The following PTPRE variants were observed in gnomAD, a reference collection of about 807,000 sequenced individuals.
PTPRE encodes the protein receptor-type tyrosine-protein phosphatase epsilon.
In PTPRE, 51 loss-of-function variants were observed where a neutral mutation model predicts 102.0. That is an observed-to-expected ratio of 0.50 (90% confidence interval 0.40 to 0.63). PTPRE has a LOEUF of 0.63. Ranked by LOEUF, PTPRE falls within the 30% of genes least tolerant of loss-of-function variation. PTPRE has a pLI of 0.00. For missense variants in PTPRE, 752 were observed against 915.1 expected, an observed-to-expected ratio of 0.82 and a Z score of 2.30; for synonymous variants, 345 against 348.2, an observed-to-expected ratio of 0.99 and a Z score of 0.10.
chr10:127,931,728 G>C (rs11018407), intron 1 of PTPRE, among the ~76,000 whole-genome samples: 13,348 of 152,252 alleles, frequency 0.088, 685 homozygotes, highest in East Asian at 0.16. Flanking sequence ...CTCCACCTTA[G>C]GAATTAGGAG....
In PTPRE at chr10:127,907,773, A is replaced by T. The variant is rs1007224084; in HGVS notation, c.-31+464A>T. 6.6e-6 allele frequency among the ~76,000 whole-genome samples: 1 copy of T among 151,810 alleles called. No homozygotes were observed. Among genetic ancestry groups the T allele is most frequent in the African/African-American group, 2.4e-5 (1 of 41,252 alleles). On this transcript the variant is annotated intron_variant, in intron 1 of 20. Transcript: ENST00000254667. This position sits in a 1 kb window ranked among gnomAD's most constrained non-coding sequence, Gnocchi z 4.8. ...TGGCTCGAGTTGTGCCAACTCTGGGAGGGGCCGGCGCTCTGCCAGGATGCT... is the reference window on the plus strand; with the variant it reads ...TGGCTCGAGTTGTGCCAACTCTGGGTGGGGCCGGCGCTCTGCCAGGATGCT...
intron 7 of PTPRE, among the ~76,000 whole-genome samples, chr10:128,059,999 C>T (rs1849394507): frequency 6.7e-6 from 1 of 150,372 alleles, no homozygotes; most frequent in Admixed American, 6.6e-5. Flanking sequence ...CACACATACA[C>T]ACTCCACACA....
At chr10:128,001,393 C>T (rs60533023) in intron 2 of PTPRE, among the ~76,000 whole-genome samples, 36,917 of 150,962 alleles carry the variant, frequency 0.24, 4,586 homozygotes, top group South Asian at 0.31. Context: ...GCTAGGGCGC[C>T]GGAACTTTCC....
At chr10:127,913,718 C>T (rs1846021268) in intron 1 of PTPRE, among the ~76,000 whole-genome samples, 1 of 152,222 alleles carries the variant, frequency 6.6e-6, no homozygotes, top group Admixed American at 6.5e-5. Context: ...ATGGAAGCTC[C>T]TGTCCAGGCA....
At chr10:127,926,821 T>C (rs1847049056) in intron 1 of PTPRE, among the ~76,000 whole-genome samples, 1 of 144,396 alleles carries the variant, frequency 6.9e-6, no homozygotes, top group South Asian at 2.3e-4. Flanking sequence ...TTTTTTTTTT[T>C]TTTTTTTTGA....
chr10:127,949,884 T>C (rs1248181563), intron 1 of PTPRE, among the ~76,000 whole-genome samples: 1 of 152,094 alleles, frequency 6.6e-6, no homozygotes, highest in Non-Finnish European at 1.5e-5. Context: ...GCTCAGAAAT[T>C]CTGATGAGTC....
At chr10:127,918,243 C>T (rs1433450821) in intron 1 of PTPRE, among the ~76,000 whole-genome samples, 1 of 152,060 alleles carries the variant, frequency 6.6e-6, no homozygotes, top group Non-Finnish European at 1.5e-5. Flanking sequence ...CTTGGAGCAC[C>T]CCCTTTAAAC....
intron 1 of PTPRE, among the ~76,000 whole-genome samples, chr10:127,957,680 G>A (rs1038408954): frequency 1.2e-4 from 18 of 152,132 alleles, no homozygotes; most frequent in African/African-American, 4.1e-4. Flanking sequence ...GTTGGCTATT[G>A]TGAGTCTTTT....
At chr10:128,069,620 C>T (rs561994435) in intron 12 of PTPRE, 72 bp from the exon 13 acceptor site, 3 of 1,568,896 alleles carry the variant, frequency 1.9e-6, no homozygotes, top group Non-Finnish European at 2.6e-6. Context: ...GGTGCGCAGG[C>T]CCCTTCGGGG....
intron 2 of PTPRE, among the ~76,000 whole-genome samples, chr10:128,017,905 G>A (rs1313761796): frequency 1.3e-5 from 2 of 152,158 alleles, no homozygotes; most frequent in Non-Finnish European, 2.9e-5. Context: ...CGACCTTCTC[G>A]GAGCTCCACT....
chr10:127,984,066 ATTTC>A (rs1337880282), intron 2 of PTPRE, among the ~76,000 whole-genome samples: 26 of 136,696 alleles, frequency 1.9e-4, no homozygotes, highest in African/African-American at 6.6e-4. Context: ...CTTTGCCTCC[ATTTC>A]TTTCTTTCTT....
chr10:127,958,974 A>T (rs2135379661), intron 1 of PTPRE, among the ~76,000 whole-genome samples: 1 of 145,638 alleles, frequency 6.9e-6, no homozygotes, highest in Middle Eastern at 3.7e-3. Flanking sequence ...TCAGCTCACT[A>T]CAACCTCCTC....
chr10:128,066,314 C>G (rs1402961199), intron 11 of PTPRE, 120 bp downstream of exon 11: 3 of 1,489,212 alleles, frequency 2.0e-6, no homozygotes, highest in Non-Finnish European at 2.7e-6. Flanking sequence ...TGTCGCAGCC[C>G]TGGCTGAGAG....
intron 2 of PTPRE, 65 bp from the exon 3 acceptor site, chr10:128,040,810 C>T (rs769779567): frequency 6.3e-6 from 8 of 1,278,860 alleles, no homozygotes; most frequent in Non-Finnish European, 9.0e-6. Context: ...TCATCACTGC[C>T]TGGCACCGGA....
chr10:128,044,008 G>A (rs760103261), intron 3 of PTPRE, among the ~76,000 whole-genome samples: 5 of 152,214 alleles, frequency 3.3e-5, no homozygotes, highest in South Asian at 2.1e-4. Context: ...TTAAAATAAC[G>A]ATACTTTTTA....
At chr10:128,068,045 G>A (rs941208261) in intron 11 of PTPRE, 78 bp from the exon 12 acceptor site, 72 of 1,499,976 alleles carry the variant, frequency 4.8e-5, no homozygotes, top group South Asian at 1.4e-4. Context: ...AGCCCACGGC[G>A]GCGTCCTCAG....
At chr10:128,013,799 T>C (rs1845203573) in intron 2 of PTPRE, among the ~76,000 whole-genome samples, 1 of 152,160 alleles carries the variant, frequency 6.6e-6, no homozygotes, top group Non-Finnish European at 1.5e-5. Context: ...TTCAGAACTG[T>C]GAGGAGCTTC....
intron 1 of PTPRE, among the ~76,000 whole-genome samples, chr10:127,956,738 G>T (rs1408181322): frequency 1.3e-5 from 2 of 152,224 alleles, no homozygotes; most frequent in South Asian, 2.1e-4. Context: ...ATTTGGTGTT[G>T]TCAGTGTTCC....
chr10:128,073,120 G>A (rs1379104152), intron 16 of PTPRE, among the ~76,000 whole-genome samples: 1 of 152,192 alleles, frequency 6.6e-6, no homozygotes, highest in African/African-American at 2.4e-5. Context: ...ATGACCTCAG[G>A]GGCTGACGGT....
Sources: allele counts gnomAD v4.1 joint callset (sites outside exome capture counted in the v4.1 genomes callset), GRCh38; gene constraint gnomAD v4.1.1; non-coding constraint Gnocchi (gnomAD v3.1); transcripts MANE v1.5; gene names NCBI Gene and HGNC (gene_info 2026-07-23, HGNC 2026-07-21).